Variants in COL25A1 observed in about 807,000 individuals in gnomAD.
The protein encoded by COL25A1 is collagen alpha-1(XXV) chain.
COL25A1 carries 103 observed loss-of-function variants against 128.4 expected under a neutral mutation model. That is an observed-to-expected ratio of 0.80 (90% CI 0.68 to 0.94). The LOEUF (loss-of-function observed/expected upper bound fraction) is 0.94. Among genes scored for constraint, COL25A1 ranks in the 40% least tolerant of loss-of-function variants. The pLI is 0.00. For synonymous variants in COL25A1, 279 were observed against 277.2 expected (o/e 1.01, Z -0.06); for missense variants, 745 against 840.0 (o/e 0.89, Z 1.40).
chr4:109,186,715 A>G (rs1775170163), intron 3 of COL25A1, among the ~76,000 whole-genome samples: 1 of 152,190 alleles, frequency 6.6e-6, no homozygotes, highest in African/African-American at 2.4e-5. Context: ...CCACCTGGGG[A>G]TAATTCTGAG....
chr4:108,874,001 G>A (rs1359015644), intron 19 of COL25A1, among the ~76,000 whole-genome samples: 1 of 152,032 alleles, frequency 6.6e-6, no homozygotes, highest in African/African-American at 2.4e-5. Flanking sequence ...CTAGGCAAAA[G>A]GCAATGACAG....
chr4:108,825,427 T>C (rs996350736), intron 33 of COL25A1, among the ~76,000 whole-genome samples: 5 of 152,120 alleles, frequency 3.3e-5, no homozygotes, highest in Admixed American at 2.0e-4. Flanking sequence ...GTTAAATAGA[T>C]TAATATTTTG....
At chr4:109,285,029 T>C (rs892655542) in intron 3 of COL25A1, among the ~76,000 whole-genome samples, 4 of 151,908 alleles carry the variant, frequency 2.6e-5, no homozygotes, top group African/African-American at 9.7e-5. Flanking sequence ...ACTAGGGAAG[T>C]TTTTTTTCTC....
chr4:109,045,249 G>A (rs1037077879), intron 5 of COL25A1, among the ~76,000 whole-genome samples: 1 of 152,050 alleles, frequency 6.6e-6, no homozygotes, highest in Non-Finnish European at 1.5e-5. Context: ...GTAGGTTATT[G>A]GTAGTAACGT....
At position 109,050,175 on chromosome 4, in the gene COL25A1, A is replaced by G. The variant is rs1760852820; in HGVS notation, c.372T>C (p.Pro124=). The change falls in exon 4 of 38, where the codon CCT becomes CCC. Residue 124 remains proline (P), a synonymous_variant. Transcript: ENST00000399132. ...APSECNCPAG[P]PGKRGKRGRR... is the part of the protein sequence containing the mutation. Reference sequence around the variant, plus strand: ...GGCCTCTCTTACCTCGTTTCCCTGGAGGGCCTGAAATACAAAGGATAATTT... The same window carrying G: ...GGCCTCTCTTACCTCGTTTCCCTGGGGGGCCTGAAATACAAAGGATAATTT... 1 of 1,606,978 alleles carries G rather than the reference A, an allele frequency of 6.2e-7. No homozygotes were observed. Among genetic ancestry groups the G allele is most frequent in the African/African-American group, 1.3e-5 (1 of 74,878 alleles).
intron 6 of COL25A1, among the ~76,000 whole-genome samples, chr4:109,000,587 G>A (rs6810916): frequency 0.79 from 120,088 of 151,086 alleles, 48,875 homozygotes; most frequent in East Asian, 1. Context: ...CTCTACTAAA[G>A]ATACAAAAAT....
intron 3 of COL25A1, among the ~76,000 whole-genome samples, chr4:109,137,984 A>G (rs112387499): frequency 9.0e-4 from 128 of 142,588 alleles, no homozygotes; most frequent in African/African-American, 2.0e-3. Context: ...TTATATATAT[A>G]TGTGTGTGTG....
At chr4:108,923,155 C>T (rs1745663167) in intron 11 of COL25A1, among the ~76,000 whole-genome samples, 3 of 152,098 alleles carry the variant, frequency 2.0e-5, no homozygotes, top group Non-Finnish European at 4.4e-5. Flanking sequence ...ATCTATAACA[C>T]TGTGGTAATT....
chr4:108,888,788 T>C (rs1275100140), intron 18 of COL25A1, among the ~76,000 whole-genome samples: 1 of 152,134 alleles, frequency 6.6e-6, no homozygotes, highest in Admixed American at 6.5e-5. Flanking sequence ...GGAATATAAT[T>C]CATAAAGAAT....
At chr4:108,915,353 TTC>T (rs957895952) in intron 13 of COL25A1, among the ~76,000 whole-genome samples, 2 of 152,042 alleles carry the variant, frequency 1.3e-5, no homozygotes, top group African/African-American at 4.8e-5. Flanking sequence ...CTTTTTCTCT[TTC>T]TCTCTCTCTC....
intron 24 of COL25A1, among the ~76,000 whole-genome samples, chr4:108,853,668 C>A (rs1226560772): frequency 1.3e-5 from 2 of 151,680 alleles, no homozygotes; most frequent in East Asian, 3.9e-4. Flanking sequence ...CCTCCCCTTG[C>A]CCCCCACCCC....
At chr4:109,248,786 A>G (rs973315734) in intron 3 of COL25A1, among the ~76,000 whole-genome samples, 3 of 152,162 alleles carry the variant, frequency 2.0e-5, no homozygotes, top group Non-Finnish European at 4.4e-5. Flanking sequence ...TTTTTCAGGG[A>G]CAAAGCATGA....
At chr4:109,055,354 T>C (rs1394193022) in intron 3 of COL25A1, among the ~76,000 whole-genome samples, 2 of 152,184 alleles carry the variant, frequency 1.3e-5, no homozygotes, top group Admixed American at 1.3e-4. Context: ...ATTGCAACCA[T>C]TTTAAGTAAA....
At chr4:108,896,862 T>C in intron 15 of COL25A1, 151 bp from the exon 16 acceptor site, 1 of 676,718 alleles carries the variant, frequency 1.5e-6, no homozygotes, top group Non-Finnish European at 2.6e-6. Flanking sequence ...ACTTGACCAG[T>C]TGTCTGATAT....
chr4:108,879,159 T>C (rs1739804061), intron 19 of COL25A1, among the ~76,000 whole-genome samples: 1 of 152,194 alleles, frequency 6.6e-6, no homozygotes. Flanking sequence ...CTAGTCTTTA[T>C]ATAATTTAGT....
chr4:109,006,378 A>ATTTTTTTTTTTTTTTATT (rs1755984973), intron 6 of COL25A1, among the ~76,000 whole-genome samples: 1 of 51,840 alleles, frequency 1.9e-5, no homozygotes, highest in Non-Finnish European at 3.2e-5. Flanking sequence ...CACCCAGCTA[A>ATTTTTTTTTTTTTTTATT]TTTTTTTTTT....
At chr4:109,102,234 G>T (rs10005055) in intron 3 of COL25A1, among the ~76,000 whole-genome samples, 35,434 of 151,814 alleles carry the variant, frequency 0.23, 5,375 homozygotes, top group African/African-American at 0.41. Context: ...TTTTATACAG[G>T]TAGATAAATA....
At position 108,869,061 on chromosome 4, in the gene COL25A1, A is replaced by C. The variant is rs749600784; in HGVS notation, c.1083+27T>G. 9 of 1,463,438 alleles carry C rather than the reference A, an allele frequency of 6.1e-6. No individual in the cohort carries two copies. In the South Asian group the frequency reaches 1.1e-4, roughly 18 times the overall value. The allele number at this position is 1,463,438 out of a possible 1,614,324, so 90.7% of individuals were successfully genotyped here. On this transcript the variant is annotated intron_variant, in intron 20 of 37. Transcript: ENST00000399132. ...GAAAAGAAAGAAAGAAAAAGAAAGA[A>C]AGAAGGAAAGAAAGAGGCCCACTTA...
At chr4:109,285,841 G>A (rs1004641095) in intron 3 of COL25A1, among the ~76,000 whole-genome samples, 3 of 151,766 alleles carry the variant, frequency 2.0e-5, no homozygotes, top group Non-Finnish European at 2.9e-5. Context: ...ATCAGAGTTG[G>A]GTTGTTGTTT....
Sources: allele counts gnomAD v4.1 joint callset (sites outside exome capture counted in the v4.1 genomes callset), GRCh38; gene constraint gnomAD v4.1.1; transcripts MANE v1.5; gene names NCBI Gene and HGNC (gene_info 2026-07-23, HGNC 2026-07-21).